The following OR2T27 variants were observed in gnomAD, a reference collection of about 807,000 sequenced individuals.
The protein encoded by OR2T27 is olfactory receptor family 2 subfamily T member 27, also known as olfactory receptor 2T27.
For synonymous variants in OR2T27, 51 were observed against 152.9 expected, an observed-to-expected ratio of 0.33 and a Z score of 4.92; for missense variants, 152 against 397.2, an observed-to-expected ratio of 0.38 and a Z score of 5.25.
At chr1:248,653,448 C>T (rs1661061889) in intron 1 of OR2T27, among the ~76,000 whole-genome samples, 1 of 140,482 alleles carries the variant, frequency 7.1e-6, no homozygotes, top group African/African-American at 2.5e-5. Context: ...TAATAATTAG[C>T]ACATCTTTCC....
At position 248,653,653 on chromosome 1, in the gene OR2T27, G is replaced by A. The variant is rs866476830; in HGVS notation, c.-5+1791C>T. On this transcript the variant is annotated intron_variant, in intron 1 of 1. Coordinates refer to ENST00000460972, the MANE Select transcript of OR2T27 (RefSeq NM_001001824.2). ...CTTAACAGTAAGAGAACACACTTGC[G>A]GCAGCATCATGCTTGCCCCAGCATT... Among the ~76,000 whole-genome samples, 336 of 60,152 alleles carry A rather than the reference G, an allele frequency of 5.6e-3. 3 individuals carry two copies. The highest frequency in any genetic ancestry group is 0.01 in the African/African-American group (330 of 31,940). 39.5% of individuals were successfully genotyped at this position (60,152 alleles called of 152,430 possible).
intron 1 of OR2T27, among the ~76,000 whole-genome samples, chr1:248,652,490 ATG>A (rs1661042064): frequency 1.6e-5 from 1 of 61,480 alleles, no homozygotes; most frequent in African/African-American, 3.1e-5. Flanking sequence ...CCCTGAAAGA[ATG>A]TAAGACATCA....
In OR2T27 at chr1:248,655,393, A is replaced by G. The variant is rs189630853; in HGVS notation, c.-5+51T>C. On this transcript the variant is annotated intron_variant, in intron 1 of 1. Transcript: ENST00000460972. Reference sequence around the variant, plus strand: ...AACCAAAACTTTCTAGGAAGTCCAGAATCTATTTAAAGCATCCTGCGATTG... The same window carrying G: ...AACCAAAACTTTCTAGGAAGTCCAGGATCTATTTAAAGCATCCTGCGATTG... The G allele has an allele frequency of 8.5e-4, 86 of 101,382 alleles. 3 individuals are homozygous for G. Among genetic ancestry groups the G allele is most frequent in the African/African-American group, 2.3e-3 (85 of 36,320 alleles). 6.3% of individuals were successfully genotyped at this position (101,382 alleles called of 1,614,324 possible).
chr1:248,652,258 C>G (rs4916154), intron 1 of OR2T27, among the ~76,000 whole-genome samples: 1 of 151,386 alleles, frequency 6.6e-6, no homozygotes, highest in Non-Finnish European at 1.5e-5. Flanking sequence ...ATAAGTGATT[C>G]GTAAATTTTA....
At chr1:248,651,962 TTGG>T (rs1661026476) in intron 1 of OR2T27, among the ~76,000 whole-genome samples, 3 of 149,890 alleles carry the variant, frequency 2.0e-5, no homozygotes, top group Non-Finnish European at 3.0e-5. Context: ...TTAGATATAT[TTGG>T]ATAATATAGA....
At chr1:248,655,230 C>G (rs1258087457) in intron 1 of OR2T27, among the ~76,000 whole-genome samples, 1 of 42,404 alleles carries the variant, frequency 2.4e-5, no homozygotes, top group African/African-American at 3.2e-5. Flanking sequence ...TTCTGATGTA[C>G]AGAAAAGATA....
At chr1:248,651,960 A>G (rs576436085) in intron 1 of OR2T27, among the ~76,000 whole-genome samples, 5,327 of 148,652 alleles carry the variant, frequency 0.036, 150 homozygotes, top group African/African-American at 0.13. Flanking sequence ...TTTTAGATAT[A>G]TTTGGATAAT....
In OR2T27 at chr1:248,650,078, C is replaced by A. The variant is rs751281848; in HGVS notation, c.807G>T (p.Glu269Asp). 3.2e-4 allele frequency: 498 copies of A among 1,573,434 alleles called. 34 individuals are homozygous for A. Among genetic ancestry groups the A allele is most frequent in the Middle Eastern group, 8.3e-4 (5 of 6,010 alleles). The change falls in exon 2 of 2, where the codon GAG (glutamate) becomes GAT (aspartate). Residue 269 changes from glutamate (E) to aspartate (D), a missense_variant. Coordinates refer to ENST00000460972, the MANE Select transcript of OR2T27 (RefSeq NM_001001824.2). Reference protein sequence around the residue: ...YVLPHSYHTPEQDKAVSAFYT... With the variant: ...YVLPHSYHTPDQDKAVSAFYT... ...AGAAGGCAGATACAGCTTTGTCCTG[C>A]TCAGGGGTGTGGTAAGAATGAGGCA... is the stretch of plus-strand genomic sequence containing the variant.
At chr1:248,651,474 T>C (rs1238689729) in intron 1 of OR2T27, 10 of 70,620 alleles carry the variant, frequency 1.4e-4, no homozygotes, top group African/African-American at 2.8e-4. Context: ...TAAAAAGAGC[T>C]GAGTTCTGAG....
intron 1 of OR2T27, among the ~76,000 whole-genome samples, chr1:248,653,013 A>AT (rs1661053089): frequency 2.6e-5 from 2 of 75,572 alleles, no homozygotes. Flanking sequence ...TTCACAGTAA[A>AT]TTCAGAGAAT....
In OR2T27 at chr1:248,649,909, T is replaced by TTTAG. The variant is rs753492668; in HGVS notation, c.*21_*22insCTAA. ...AGTCTTGTATCCTTCATTTCAAGTC[T>TTTAG]CTAGCAGCATATGAAATTTCTTTAG... On this transcript the variant is annotated 3_prime_UTR_variant, in exon 2 of 2. Coordinates refer to ENST00000460972, the MANE Select transcript of OR2T27 (RefSeq NM_001001824.2). 17,368 of 1,455,286 alleles carry TTTAG rather than the reference T, an allele frequency of 0.012. 1,674 individuals are homozygous for TTTAG. In the African/African-American group the frequency reaches 0.22, roughly 18 times the overall value. 90.1% of individuals were successfully genotyped at this position (1,455,286 alleles called of 1,614,324 possible). A position where few individuals can be genotyped will look rare whatever the true frequency, so the allele number is the denominator to read the frequency against.
intron 1 of OR2T27, among the ~76,000 whole-genome samples, chr1:248,653,110 A>G (rs1267502033): frequency 7.7e-6 from 1 of 129,658 alleles, no homozygotes; most frequent in Non-Finnish European, 1.7e-5. Flanking sequence ...TTGGTCCAAA[A>G]ATATCCTTAT....
intron 1 of OR2T27, among the ~76,000 whole-genome samples, chr1:248,652,036 C>A (rs1333014416): frequency 7.3e-6 from 1 of 136,802 alleles, no homozygotes; most frequent in African/African-American, 3.7e-5. Context: ...ATTTAGAATT[C>A]TCTGTGGCTC....
At position 248,649,959 on chromosome 1, in the gene OR2T27, A is replaced by C; in HGVS notation, c.926T>G (p.Val309Gly). 1 of 1,578,176 alleles carries C rather than the reference A, an allele frequency of 6.3e-7. No individual in the cohort carries two copies. The highest frequency in any genetic ancestry group is 8.7e-7 in the Non-Finnish European group (1 of 1,155,760). ...GALQKVVGRCVSSGKVTTF is the reference protein window; with the variant it reads ...GALQKVVGRCGSSGKVTTF ...GAAAGTGGTTACCTTTCCTGAGGAC[A>C]CACACCTCCCCACAACCTTCTGTAG... Residue 309 changes from valine to glycine, a missense_variant, in exon 2 of 2, where the codon GTG becomes GGG. Transcript: ENST00000460972.
intron 1 of OR2T27, among the ~76,000 whole-genome samples, chr1:248,651,971 A>G (rs1236296259): frequency 6.6e-6 from 1 of 151,054 alleles, no homozygotes; most frequent in Non-Finnish European, 1.5e-5. Flanking sequence ...TTTGGATAAT[A>G]TAGATTAAAA....
rs1317744851 is a variant in OR2T27, at chr1:248,650,010, A to G, written c.875T>C (p.Leu292Pro). ...TPMLNPLIYS[L>P]RNKDVTGALQ... The stretch of plus-strand genomic sequence containing the variant: ...GGCCCCTGTGACATCCTTGTTCCTA[A>G]GGCTGTAAATGAGTGGATTGAGCAT... Residue 292 changes from leucine to proline, a missense_variant, in exon 2 of 2, where the codon CTT (leucine) becomes CCT (proline). Transcript: ENST00000460972. 1 of 1,578,408 alleles carries G rather than the reference A, an allele frequency of 6.3e-7. No individual in the cohort carries two copies. The highest frequency in any genetic ancestry group is 1.7e-5 in the Admixed American group (1 of 58,624).
chr1:248,651,933 C>T (rs1477760093), intron 1 of OR2T27, among the ~76,000 whole-genome samples: 1 of 60,148 alleles, frequency 1.7e-5, no homozygotes, highest in African/African-American at 3.0e-5. Context: ...CTCCTTAAAA[C>T]TTTATATTAT....
intron 1 of OR2T27, among the ~76,000 whole-genome samples, chr1:248,652,112 C>A (rs1197322889): frequency 6.6e-6 from 1 of 152,152 alleles, no homozygotes; most frequent in Admixed American, 6.5e-5. Flanking sequence ...GCTCCAAATA[C>A]CTTCATCCAA....
chr1:248,653,745 T>C (rs1661070840), intron 1 of OR2T27, among the ~76,000 whole-genome samples: 1 of 84,056 alleles, frequency 1.2e-5, no homozygotes, highest in African/African-American at 2.9e-5. Flanking sequence ...GTGTATATTT[T>C]GGCTATTTTG....
Sources: gnomAD v4.1 joint callset for allele counts (sites outside exome capture counted in the v4.1 genomes callset) on GRCh38, gnomAD v4.1.1 for gene constraint, MANE v1.5 for transcripts, NCBI Gene and HGNC (gene_info 2026-07-23, HGNC 2026-07-21) for gene names.